DLGAP4: variants seen among roughly 807,000 people sequenced by gnomAD.
DLGAP4 encodes the protein disks large-associated protein 4.
Under a neutral mutation model 86.9 loss-of-function variants are expected in DLGAP4, and 18 were observed. The observed-to-expected ratio is 0.21, with a 90% CI of 0.14 to 0.31. The LOEUF (loss-of-function observed/expected upper bound fraction) is 0.31, where lower values mean the gene tolerates loss of function less well. Ranked by LOEUF, DLGAP4 falls within the 10% of genes least tolerant of loss-of-function variation. The pLI is 1.00. For synonymous variants in DLGAP4, 548 were observed against 574.3 expected, an observed-to-expected ratio of 0.95 and a Z score of 0.65; for missense variants, 1,085 against 1,362.6, an observed-to-expected ratio of 0.80 and a Z score of 3.21.
intron 7 of DLGAP4, among the ~76,000 whole-genome samples, chr20:36,482,760 C>G (rs1025324893): frequency 6.6e-6 from 1 of 152,186 alleles, no homozygotes; most frequent in Non-Finnish European, 1.5e-5. Flanking sequence ...CAACCTCTGT[C>G]TCCCGGGTTC....
chr20:36,491,326 C>T (rs1319158627), intron 7 of DLGAP4, among the ~76,000 whole-genome samples: 1 of 152,040 alleles, frequency 6.6e-6, no homozygotes, highest in African/African-American at 2.4e-5. Context: ...TTAGGTGCTG[C>T]GAGGTAGGGA....
At position 36,308,765 on chromosome 20, in the gene DLGAP4, C is replaced by T. The variant is rs545354118; in HGVS notation, c.-304+2253C>T. On this transcript the variant is annotated intron_variant, in intron 1 of 12. Coordinates refer to ENST00000339266, the MANE Select transcript of DLGAP4 (RefSeq NM_001365621.2). The surrounding 1 kb of genome is among the most constrained non-coding windows in gnomAD (Gnocchi z 4.5). ...GGTGGTCCCTACCCTCCTATACTTCCGTGATGGGTATTCATTCATTCAGAA... is the reference window on the plus strand; with the variant it reads ...GGTGGTCCCTACCCTCCTATACTTCTGTGATGGGTATTCATTCATTCAGAA... Among the ~76,000 whole-genome samples, 107 of 152,256 alleles carry T rather than the reference C, an allele frequency of 7.0e-4. No individual in the cohort carries two copies. The highest frequency in any genetic ancestry group is 2.4e-3 in the African/African-American group (99 of 41,530).
At chr20:36,444,679 C>A (rs1009466007) in intron 6 of DLGAP4, among the ~76,000 whole-genome samples, 1 of 152,092 alleles carries the variant, frequency 6.6e-6, no homozygotes, top group African/African-American at 2.4e-5. Context: ...CTCGTTTTAT[C>A]ACCCAGGTTG....
chr20:36,371,050 C>G lies in DLGAP4; in HGVS notation c.-73+3775C>G, dbSNP rs1045411845. Among the ~76,000 whole-genome samples the G allele has an allele frequency of 4.6e-5, 7 of 152,186 alleles. No homozygotes were observed. In the South Asian group the frequency reaches 1.2e-3, roughly 27 times the overall value. On this transcript the variant is annotated intron_variant, in intron 2 of 12. Coordinates refer to ENST00000339266, the MANE Select transcript of DLGAP4 (RefSeq NM_001365621.2). ...GAGAGGACTGAGACCTAAGTCCACA[C>G]AGACAGTGGGTAGTGGAGCTGCTCT...
At chr20:36,482,792 C>G (rs2035247488) in intron 7 of DLGAP4, among the ~76,000 whole-genome samples, 1 of 152,192 alleles carries the variant, frequency 6.6e-6, no homozygotes, top group African/African-American at 2.4e-5. Flanking sequence ...ACACCTCAGC[C>G]TCCTGAGTAG....
chr20:36,346,642 A>G (rs1370456422), intron 1 of DLGAP4, among the ~76,000 whole-genome samples: 3 of 152,088 alleles, frequency 2.0e-5, no homozygotes, highest in African/African-American at 7.2e-5. Context: ...AAGACTTGGA[A>G]TGCTACATCT....
intron 1 of DLGAP4, among the ~76,000 whole-genome samples, chr20:36,359,874 C>A (rs2030458651): frequency 6.6e-6 from 1 of 152,154 alleles, no homozygotes; most frequent in African/African-American, 2.4e-5. Flanking sequence ...GGGGGCTGAT[C>A]TGGAGCAGTG....
At chr20:36,358,847 T>G (rs1452839854) in intron 1 of DLGAP4, among the ~76,000 whole-genome samples, 1 of 152,252 alleles carries the variant, frequency 6.6e-6, no homozygotes, top group South Asian at 2.1e-4. Flanking sequence ...TTGAAGGTGC[T>G]GGTCAGCCTC....
chr20:36,508,656 G>A (rs901497626), intron 10 of DLGAP4, among the ~76,000 whole-genome samples: 12 of 152,236 alleles, frequency 7.9e-5, no homozygotes, highest in Non-Finnish European at 1.6e-4. Flanking sequence ...TTGAACTCCC[G>A]ACCTCAGGTG....
At position 36,504,384 on chromosome 20, in the gene DLGAP4, T is replaced by C. The variant is rs114041732; in HGVS notation, c.2512+3773T>C. Among the ~76,000 whole-genome samples, 223 of 148,702 alleles carry C rather than the reference T, an allele frequency of 1.5e-3. 2 individuals are homozygous for C. Among genetic ancestry groups the C allele is most frequent in the Non-Finnish European group, 2.5e-3 (167 of 68,020 alleles). On this transcript the variant is annotated intron_variant, in intron 10 of 12. Coordinates refer to ENST00000339266, the MANE Select transcript of DLGAP4 (RefSeq NM_001365621.2). ...TTTATGGCTGACTAGTATTCCATTATGTGTACAATATATACCACATTTTGT... is the reference window on the plus strand; with the variant it reads ...TTTATGGCTGACTAGTATTCCATTACGTGTACAATATATACCACATTTTGT...
intron 2 of DLGAP4, among the ~76,000 whole-genome samples, chr20:36,414,389 C>T (rs1012360414): frequency 6.6e-6 from 1 of 152,226 alleles, no homozygotes; most frequent in African/African-American, 2.4e-5. Context: ...CTGTGGCCAG[C>T]TGTCCCCCAC....
chr20:36,333,758 C>G (rs2065293978), intron 1 of DLGAP4, among the ~76,000 whole-genome samples: 1 of 152,214 alleles, frequency 6.6e-6, no homozygotes, highest in African/African-American at 2.4e-5. Context: ...AAGGGTGGGT[C>G]CACATGGGTG....
At chr20:36,504,908 A>G (rs996444581) in intron 10 of DLGAP4, among the ~76,000 whole-genome samples, 9 of 151,530 alleles carry the variant, frequency 5.9e-5, no homozygotes, top group African/African-American at 1.7e-4. Context: ...CCCTCATCAT[A>G]TATATGATTT....
intron 7 of DLGAP4, among the ~76,000 whole-genome samples, chr20:36,496,383 G>A (rs543451542): frequency 5.3e-5 from 8 of 152,300 alleles, no homozygotes; most frequent in Admixed American, 6.5e-5. Context: ...TCACAGCCTC[G>A]TGGCCCCACG....
Position 36,337,266 on chromosome 20 carries a change from G to A in DLGAP4, c.-303-29779G>A, listed in dbSNP as rs558960907. ...CCAGAACCAACAGGATGTTTTAGGG[G>A]TTACTGCTCATTCGCTCAATAATTC... On this transcript the variant is annotated intron_variant, in intron 1 of 12. Coordinates refer to ENST00000339266, the MANE Select transcript of DLGAP4 (RefSeq NM_001365621.2). Among the ~76,000 whole-genome samples the A allele has an allele frequency of 1.4e-4, 20 of 146,250 alleles. No individual in the cohort carries two copies. The East Asian group carries it at 4.3e-3, about 32-fold the overall frequency.
chr20:36,491,964 C>T (rs1051862392), intron 7 of DLGAP4, among the ~76,000 whole-genome samples: 2 of 152,148 alleles, frequency 1.3e-5, no homozygotes, highest in Admixed American at 6.5e-5. Flanking sequence ...CCTCCAAGCC[C>T]GTGGACTGAT....
chr20:36,441,255 C>T (rs2033439551), intron 5 of DLGAP4, among the ~76,000 whole-genome samples: 1 of 152,188 alleles, frequency 6.6e-6, no homozygotes, highest in Non-Finnish European at 1.5e-5. Flanking sequence ...CCAGCCATGC[C>T]GGCCTCCTTT....
intron 7 of DLGAP4, chr20:36,492,272 T>C (rs2035696414): frequency 1.3e-5 from 2 of 152,362 alleles, no homozygotes; most frequent in South Asian, 4.1e-4. Context: ...AGCTGAGGGG[T>C]GCCTGTCCCC....
At chr20:36,404,246 T>A (rs1342970750) in intron 2 of DLGAP4, among the ~76,000 whole-genome samples, 3 of 152,150 alleles carry the variant, frequency 2.0e-5, no homozygotes, top group Non-Finnish European at 2.9e-5. Context: ...ATTTGGTGAT[T>A]CCTAAGAGTT....
Sources: allele counts gnomAD v4.1 joint callset (sites outside exome capture counted in the v4.1 genomes callset), GRCh38; gene constraint gnomAD v4.1.1; non-coding constraint Gnocchi (gnomAD v3.1); transcripts MANE v1.5; gene names NCBI Gene and HGNC (gene_info 2026-07-23, HGNC 2026-07-21).